C4orf50: variants seen among roughly 807,000 people sequenced by gnomAD.
The protein encoded by C4orf50 is uncharacterized protein C4orf50.
Under a neutral mutation model 77.2 loss-of-function variants are expected in C4orf50, and 80 were observed. The observed-to-expected ratio is 1.04, with a 90% CI of 0.87 to 1.25. The LOEUF (loss-of-function observed/expected upper bound fraction) is 1.25, where lower values mean the gene tolerates loss of function less well. Ranked by LOEUF, C4orf50 falls within the 50% of genes most tolerant of loss-of-function variation. C4orf50 has a pLI of 0.00. For synonymous variants in C4orf50, 532 were observed against 465.3 expected (o/e 1.14, Z -1.84); for missense variants, 1,257 against 1,152.9 (o/e 1.09, Z -1.31).
intron 25 of C4orf50, among the ~76,000 whole-genome samples, chr4:6,006,424 A>C (rs73795164): frequency 0.28 from 42,134 of 152,098 alleles, 6,696 homozygotes; most frequent in East Asian, 0.62. Flanking sequence ...TAGAAACAAT[A>C]AACTTTGGAC....
intron 30 of C4orf50, 47 bp from the exon 9 acceptor site, chr4:5,973,888 A>G (rs367743726): frequency 4.4e-4 from 648 of 1,474,612 alleles, no homozygotes; most frequent in Middle Eastern, 6.3e-4. Context: ...CCAGGGCTGC[A>G]TGGCTGAGCT....
At chr4:5,936,813 T>A (rs1422590523) in intron 7 of C4orf50, among the ~76,000 whole-genome samples, 1 of 152,042 alleles carries the variant, frequency 6.6e-6, no homozygotes. Flanking sequence ...TGAATATATG[T>A]CTTATAGCAG....
At chr4:5,999,363 A>G (rs1721732073) in intron 25 of C4orf50, among the ~76,000 whole-genome samples, 1 of 152,162 alleles carries the variant, frequency 6.6e-6, no homozygotes, top group Non-Finnish European at 1.5e-5. Context: ...CTACCACCTC[A>G]TAAGCTTGTT....
chr4:5,979,895 G>A (rs1009234312), intron 29 of C4orf50, among the ~76,000 whole-genome samples: 2 of 152,210 alleles, frequency 1.3e-5, no homozygotes, highest in Admixed American at 6.5e-5. Context: ...TCTGACAGAG[G>A]AAAGGCTTTG....
At chr4:5,980,989 A>G (rs1307135442) in intron 28 of C4orf50, among the ~76,000 whole-genome samples, 2 of 152,170 alleles carry the variant, frequency 1.3e-5, no homozygotes, top group Admixed American at 1.3e-4. Context: ...CTGGCTTTGC[A>G]TTGTGGGAAG....
intron 7 of C4orf50, chr4:5,904,970 G>A (rs1281522260): frequency 6.6e-6 from 1 of 152,160 alleles, no homozygotes; most frequent in East Asian, 1.9e-4. Flanking sequence ...CGAAGGAACT[G>A]CATTTTACAA....
chr4:6,004,104 G>T (rs111215908), intron 25 of C4orf50, among the ~76,000 whole-genome samples: 2 of 18,318 alleles, frequency 1.1e-4, no homozygotes, highest in African/African-American at 1.8e-4. Flanking sequence ...GGTGATGATG[G>T]TGATGGTGAT....
chr4:6,010,166 A>G (rs1722434491), intron 24 of C4orf50, among the ~76,000 whole-genome samples: 1 of 152,164 alleles, frequency 6.6e-6, no homozygotes. Context: ...TATTTGTGAC[A>G]ATATTTTCCA....
At chr4:5,947,098 G>T (rs1386516677) in intron 7 of C4orf50, among the ~76,000 whole-genome samples, 1 of 152,156 alleles carries the variant, frequency 6.6e-6, no homozygotes, top group Non-Finnish European at 1.5e-5. Context: ...AAGATGAAAG[G>T]TGGAATATTC....
At chr4:5,980,130 G>T (rs893448800) in intron 29 of C4orf50, 44 bp downstream of exon 7, 3 of 1,519,884 alleles carry the variant, frequency 2.0e-6, no homozygotes, top group Non-Finnish European at 2.6e-6. Context: ...CCCGGGGTGT[G>T]GGAGCCCTGG....
intron 7 of C4orf50, among the ~76,000 whole-genome samples, chr4:5,911,710 A>C (rs557137016): frequency 2.6e-5 from 4 of 152,212 alleles, no homozygotes; most frequent in Non-Finnish European, 5.9e-5. Flanking sequence ...GAGCTAGCAA[A>C]TGTTTAACAA....
At chr4:5,995,128 C>T (rs1211715670) in intron 25 of C4orf50, among the ~76,000 whole-genome samples, 2 of 152,038 alleles carry the variant, frequency 1.3e-5, no homozygotes, top group Non-Finnish European at 2.9e-5. Context: ...ACCAAAGGCT[C>T]CCAGCTCCAC....
At chr4:5,989,812 G>A in exon 28 of C4orf50, 7 of 1,495,490 alleles carry the variant, frequency 4.7e-6, no homozygotes, top group Non-Finnish European at 6.2e-6. Context: ...CTCCTCGGGG[G>A]CACCCCTGCA....
At chr4:5,960,552 G>A (rs1421186871) in intron 33 of C4orf50, among the ~76,000 whole-genome samples, 3 of 152,198 alleles carry the variant, frequency 2.0e-5, no homozygotes, top group African/African-American at 7.2e-5. Context: ...GGGAATCGGC[G>A]ATCACTATGT....
chr4:5,942,774 T>G (rs1037011837), intron 7 of C4orf50, among the ~76,000 whole-genome samples: 1 of 152,282 alleles, frequency 6.6e-6, no homozygotes, highest in East Asian at 1.9e-4. Context: ...TGCTATCCTG[T>G]CCCTATAAAA....
chr4:5,910,203 C>A (rs1406621625), intron 7 of C4orf50, among the ~76,000 whole-genome samples: 1 of 152,146 alleles, frequency 6.6e-6, no homozygotes, highest in Non-Finnish European at 1.5e-5. Flanking sequence ...CATAAAAAAA[C>A]CCCAAGAGAA....
chr4:6,002,457 C>T (rs902742420), intron 25 of C4orf50, among the ~76,000 whole-genome samples: 52 of 152,232 alleles, frequency 3.4e-4, no homozygotes, highest in Admixed American at 7.9e-4. Flanking sequence ...AAATAACATG[C>T]TGTGCCTTGC....
intron 33 of C4orf50, among the ~76,000 whole-genome samples, chr4:5,964,819 A>C (rs542720289): frequency 1.3e-5 from 2 of 150,224 alleles, no homozygotes; most frequent in Admixed American, 6.6e-5. Context: ...ACATGATTTG[A>C]CCAGAAACAA....
At position 5,964,413 on chromosome 4, in the gene C4orf50, A is replaced by T. The variant is rs188155787; in HGVS notation, c.4275+611T>A. Among the ~76,000 whole-genome samples the T allele has an allele frequency of 6.7e-5, 10 of 149,340 alleles. No individual in the cohort carries two copies. The East Asian group carries it at 1.9e-3, about 29-fold the overall frequency. ...CAAAGGAAGTCCTCTGTGGATGGAGATACTGTCAGGCCTCAAATTGTGTCA... is the reference window on the plus strand; with the variant it reads ...CAAAGGAAGTCCTCTGTGGATGGAGTTACTGTCAGGCCTCAAATTGTGTCA... On this transcript the variant is annotated intron_variant, in intron 33 of 33. Coordinates refer to ENST00000531445, the Ensembl canonical transcript of C4orf50.
Sources: allele counts gnomAD v4.1 joint callset (sites outside exome capture counted in the v4.1 genomes callset), GRCh38; gene constraint gnomAD v4.1.1; transcripts MANE v1.5; gene names NCBI Gene and HGNC (gene_info 2026-07-23, HGNC 2026-07-21).